GALNT13: variants seen among roughly 807,000 people sequenced by gnomAD.
GALNT13 encodes the protein polypeptide N-acetylgalactosaminyltransferase 13, also known as UDP-GalNAc:polypeptide N-acetylgalactosaminyltransferase 13.
In GALNT13, 28 loss-of-function variants were observed where a neutral mutation model predicts 64.2. The observed-to-expected ratio is 0.44, with a 90% CI of 0.32 to 0.60. GALNT13 has a LOEUF of 0.60. GALNT13 is among the 20% of genes least tolerant of loss of function. The pLI, the probability that GALNT13 is intolerant of heterozygous loss-of-function variation, is 0.05. For synonymous variants in GALNT13, 214 were observed against 224.6 expected, an observed-to-expected ratio of 0.95 and a Z score of 0.42; for missense variants, 577 against 669.8, an observed-to-expected ratio of 0.86 and a Z score of 1.53.
the GALNT13 span, among the ~76,000 whole-genome samples, chr2:153,737,393 T>C: frequency 1.3e-5 from 2 of 152,282 alleles, no homozygotes; most frequent in East Asian, 1.9e-4. Context: ...TGGTTTTTTT[T>C]CAATGTTTTT....
chr2:153,689,064 GTGTGTA>G, the GALNT13 span, among the ~76,000 whole-genome samples: 67 of 110,616 alleles, frequency 6.1e-4, no homozygotes, highest in African/African-American at 2.3e-3. Flanking sequence ...GCTAAACCGC[GTGTGTA>G]TGTGTGTGTG....
chr2:153,136,853 C>CACAT, the GALNT13 span, among the ~76,000 whole-genome samples: 1 of 139,052 alleles, frequency 7.2e-6, no homozygotes, highest in Non-Finnish European at 1.6e-5. Flanking sequence ...TTGCACCACA[C>CACAT]ACACACACAC....
chr2:153,657,335 C>T, the GALNT13 span, among the ~76,000 whole-genome samples: 8 of 151,848 alleles, frequency 5.3e-5, no homozygotes, highest in African/African-American at 4.8e-5. Flanking sequence ...CCAGAATGAG[C>T]GGAAGAGGGA....
At chr2:153,861,141 GGACTTA>G in the GALNT13 span, among the ~76,000 whole-genome samples, 2 of 152,118 alleles carry the variant, frequency 1.3e-5, no homozygotes, top group African/African-American at 4.8e-5. Context: ...AAAAATGCAA[GGACTTA>G]GACATAGCTA....
chr2:153,238,464 G>C, the GALNT13 span, among the ~76,000 whole-genome samples: 1 of 152,156 alleles, frequency 6.6e-6, no homozygotes, highest in Admixed American at 6.6e-5. Flanking sequence ...ACAGTTTGAT[G>C]TCTTAGATTT....
At chr2:153,955,916 G>A (rs1283231331) in intron 3 of GALNT13, among the ~76,000 whole-genome samples, 3 of 152,256 alleles carry the variant, frequency 2.0e-5, no homozygotes, top group African/African-American at 7.2e-5. Flanking sequence ...CCCAAAGCAG[G>A]CAGCACACTA....
At chr2:153,114,706 T>C in the GALNT13 span, among the ~76,000 whole-genome samples, 12 of 152,124 alleles carry the variant, frequency 7.9e-5, no homozygotes, top group Non-Finnish European at 1.3e-4. Context: ...CAAAGATAGA[T>C]AATTCTTTTT....
chr2:153,438,138 A>C, the GALNT13 span, among the ~76,000 whole-genome samples: 1 of 152,206 alleles, frequency 6.6e-6, no homozygotes, highest in Admixed American at 6.5e-5. Flanking sequence ...TTCTTTAAGA[A>C]TGTTGAATAT....
chr2:153,739,005 A>C, the GALNT13 span, among the ~76,000 whole-genome samples: 1 of 151,888 alleles, frequency 6.6e-6, no homozygotes, highest in African/African-American at 2.4e-5. Context: ...ATCCATCTAT[A>C]CATCTGTGTA....
the GALNT13 span, among the ~76,000 whole-genome samples, chr2:153,470,596 G>A: frequency 1.3e-5 from 2 of 152,116 alleles, no homozygotes; most frequent in South Asian, 2.1e-4. Flanking sequence ...AGTGACACTA[G>A]ATATCAGCTT....
At chr2:154,390,842 T>G (rs189101191) in intron 9 of GALNT13, among the ~76,000 whole-genome samples, 4 of 152,216 alleles carry the variant, frequency 2.6e-5, no homozygotes, top group African/African-American at 4.8e-5. Flanking sequence ...TAAAAACTTA[T>G]AAATTTTTGC....
At chr2:154,178,274 G>T (rs10169189) in intron 4 of GALNT13, among the ~76,000 whole-genome samples, 127 of 151,824 alleles carry the variant, frequency 8.4e-4, no homozygotes, top group Non-Finnish European at 5.6e-4. Flanking sequence ...TTTTCATTTG[G>T]TAGATTTGGC....
At chr2:153,677,284 T>TACACACACACACACACACACACACACAC in the GALNT13 span, among the ~76,000 whole-genome samples, 1 of 144,766 alleles carries the variant, frequency 6.9e-6, no homozygotes, top group Admixed American at 6.9e-5. Context: ...ACAATAGACA[T>TACACACACACACACACACACACACACAC]ACACACACAC....
chr2:154,384,769 C>A (rs1698427638), intron 9 of GALNT13, among the ~76,000 whole-genome samples: 1 of 152,012 alleles, frequency 6.6e-6, no homozygotes, highest in Admixed American at 6.6e-5. Context: ...ATTGACAATC[C>A]AGGCTATCTT....
the GALNT13 span, among the ~76,000 whole-genome samples, chr2:153,627,268 T>A: frequency 6.6e-6 from 1 of 152,120 alleles, no homozygotes; most frequent in African/African-American, 2.4e-5. Flanking sequence ...TAATTATGTA[T>A]CTTTCTATAA....
At chr2:153,101,104 CAT>C in the GALNT13 span, among the ~76,000 whole-genome samples, 1 of 152,118 alleles carries the variant, frequency 6.6e-6, no homozygotes, top group African/African-American at 2.4e-5. Context: ...ATGTAAATAA[CAT>C]AATTTATAAC....
chr2:154,114,385 C>T (rs1279166450), intron 3 of GALNT13, among the ~76,000 whole-genome samples: 1 of 152,132 alleles, frequency 6.6e-6, no homozygotes, highest in African/African-American at 2.4e-5. Context: ...GCTAAAACTC[C>T]ATTAATTACC....
the GALNT13 span, among the ~76,000 whole-genome samples, chr2:153,326,501 G>A: frequency 2.6e-5 from 4 of 152,092 alleles, no homozygotes; most frequent in Non-Finnish European, 4.4e-5. Context: ...GGTTAATATC[G>A]TTATGTGTGA....
intron 2 of GALNT13, among the ~76,000 whole-genome samples, chr2:153,927,561 A>C (rs932685076): frequency 6.6e-6 from 1 of 152,076 alleles, no homozygotes; most frequent in Non-Finnish European, 1.5e-5. Context: ...CATCTTTAGC[A>C]ATATTATATG....
Sources: allele counts gnomAD v4.1 joint callset (sites outside exome capture counted in the v4.1 genomes callset), GRCh38; gene constraint gnomAD v4.1.1; transcripts MANE v1.5; gene names NCBI Gene and HGNC (gene_info 2026-07-23, HGNC 2026-07-21).